ADGRV1: variants seen among roughly 807,000 people sequenced by gnomAD.
The protein encoded by ADGRV1 is G-protein coupled receptor 98.
A neutral mutation model predicts 596.2 loss-of-function variants in ADGRV1; 359 were observed. The ratio of observed to expected loss-of-function variants is 0.60; its 90% CI spans 0.55 to 0.66. The LOEUF is 0.66. Among genes scored for constraint, ADGRV1 ranks in the 30% least tolerant of loss-of-function variants. The pLI, the probability that ADGRV1 is intolerant of heterozygous loss-of-function variation, is 0.00. For missense variants in ADGRV1, 7,274 were observed against 7,575.6 expected (o/e 0.96, Z 1.48); for synonymous variants, 2,681 against 2,679.2 (o/e 1.00, Z -0.02).
chr5:90,745,929 T>C (rs1221111062), intron 52 of ADGRV1, 134 bp downstream of exon 52: 2 of 602,046 alleles, frequency 3.3e-6, no homozygotes, highest in African/African-American at 1.9e-5. Context: ...TTCCCCTGCC[T>C]CCCTTTTATG....
intron 50 of ADGRV1, among the ~76,000 whole-genome samples, chr5:90,739,208 T>C (rs1311810117): frequency 6.6e-6 from 1 of 152,148 alleles, no homozygotes; most frequent in Admixed American, 6.5e-5. Flanking sequence ...GTTTTCCAAA[T>C]TGCATTTACT....
intron 4 of ADGRV1, 65 bp downstream of exon 4, chr5:90,619,246 G>T: frequency 5.3e-6 from 4 of 759,720 alleles, no homozygotes; most frequent in Non-Finnish European, 8.1e-6. Flanking sequence ...TTAAAAATTA[G>T]TTTTCATGAT....
At chr5:90,630,310 T>A (rs1357250578) in intron 9 of ADGRV1, 1 of 152,208 alleles carries the variant, frequency 6.6e-6, no homozygotes, top group African/African-American at 2.4e-5. Flanking sequence ...AAGAAAAATT[T>A]TATAAATACT....
At chr5:90,661,703 A>C (rs1770320919) in intron 21 of ADGRV1, among the ~76,000 whole-genome samples, 1 of 152,156 alleles carries the variant, frequency 6.6e-6, no homozygotes, top group Non-Finnish European at 1.5e-5. Flanking sequence ...GACGGTAGTG[A>C]GTATTATTGT....
intron 1 of ADGRV1, among the ~76,000 whole-genome samples, chr5:90,569,819 G>T (rs145081704): frequency 4.4e-3 from 666 of 151,730 alleles, no homozygotes; most frequent in African/African-American, 0.015. Flanking sequence ...TTTCAATAGC[G>T]TGCAATAATT....
chr5:91,049,921 G>A (rs1280855612), intron 85 of ADGRV1, among the ~76,000 whole-genome samples: 1 of 152,198 alleles, frequency 6.6e-6, no homozygotes, highest in Non-Finnish European at 1.5e-5. Flanking sequence ...ACAACTGTAT[G>A]TGAGGTTTGG....
chr5:90,579,148 CT>C (rs1757634461), intron 1 of ADGRV1, among the ~76,000 whole-genome samples: 1 of 152,136 alleles, frequency 6.6e-6, no homozygotes, highest in South Asian at 2.1e-4. Context: ...CTTCTGCTAG[CT>C]TTTGAATGTG....
chr5:90,819,963 G>C lies in ADGRV1; in HGVS notation c.16197-3462G>C, dbSNP rs2150278531. Among the ~76,000 whole-genome samples the C allele has an allele frequency of 2.0e-5, 3 of 150,456 alleles. No individual in the cohort carries two copies. The South Asian group carries it at 6.4e-4, about 32-fold the overall frequency. ...GGTGCAGAGCTGAGTTCAATTCCTG[G>C]GTATCCTTGTTGACTTTCTGTCTCG... is the stretch of plus-strand genomic sequence containing the variant. On this transcript the variant is annotated intron_variant, in intron 75 of 89. Transcript: ENST00000405460.
intron 83 of ADGRV1, among the ~76,000 whole-genome samples, chr5:90,948,505 T>G (rs1776786902): frequency 6.6e-6 from 1 of 152,106 alleles, no homozygotes; most frequent in East Asian, 1.9e-4. Context: ...GCTTAACGTA[T>G]AAACACATGG....
intron 17 of ADGRV1, among the ~76,000 whole-genome samples, chr5:90,648,867 T>C (rs1206720233): frequency 6.6e-6 from 1 of 152,228 alleles, no homozygotes; most frequent in African/African-American, 2.4e-5. Flanking sequence ...TTACGTAGAC[T>C]AAAAACATTT....
At chr5:90,785,032 A>G (rs547956765) in intron 67 of ADGRV1, among the ~76,000 whole-genome samples, 14 of 152,342 alleles carry the variant, frequency 9.2e-5, no homozygotes, top group African/African-American at 3.4e-4. Flanking sequence ...CTACAAGGCT[A>G]CAGTAACCAA....
Position 90,851,134 on chromosome 5 carries a change from T to TGTGTGTGTGTGAGAGAGA in ADGRV1, c.17205-2149_17205-2148insTGTGTGTGTGAGAGAGAG, listed in dbSNP as rs757909771. Reference sequence around the variant, plus strand: ...GTGTGTGTGTGTGTGTGTGTGTGTGTGAGAGAGAGAGAGAGAGAGAGAGAG... The same window carrying TGTGTGTGTGTGAGAGAGA: ...GTGTGTGTGTGTGTGTGTGTGTGTGTGTGTGTGTGTGAGAGAGAGAGAGAGAGAGAGAGAGAGAGAGAG... On this transcript the variant is annotated intron_variant, in intron 79 of 89. Transcript: ENST00000405460. 2.4e-3 allele frequency among the ~76,000 whole-genome samples: 192 copies of TGTGTGTGTGTGAGAGAGA among 81,504 alleles called. 4 individuals carry two copies. Among genetic ancestry groups the TGTGTGTGTGTGAGAGAGA allele is most frequent in the East Asian group, 7.8e-3 (18 of 2,322 alleles). 53.5% of individuals were successfully genotyped at this position (81,504 alleles called of 152,430 possible). A position where few individuals can be genotyped will look rare whatever the true frequency, so the allele number is the denominator to read the frequency against.
chr5:90,614,521 A>G (rs1421823024), intron 1 of ADGRV1, among the ~76,000 whole-genome samples: 1 of 152,124 alleles, frequency 6.6e-6, no homozygotes, highest in East Asian at 1.9e-4. Context: ...TTTTCTTAAA[A>G]TGTGGATGTC....
Position 90,745,198 on chromosome 5 carries a change from C to T in ADGRV1, c.10702C>T (p.Leu3568=), listed in dbSNP as rs549528540. ...SLNSSKNLIA[L]VGAHSHIYEL... is the part of the protein sequence containing the mutation. ...TAATTCAAGCAAGAATTTAATAGCT[C>T]TAGTGGGAGCTCATTCACATATATA... Residue 3568 remains leucine, a synonymous_variant, in exon 51 of 90, where the codon CTA becomes TTA. Transcript: ENST00000405460. 2 of 1,612,488 alleles carry T rather than the reference C, an allele frequency of 1.2e-6. No homozygotes were observed. The highest frequency in any genetic ancestry group is 1.7e-6 in the Non-Finnish European group (2 of 1,179,634).
intron 83 of ADGRV1, among the ~76,000 whole-genome samples, chr5:90,932,693 T>G (rs868455184): frequency 2.6e-5 from 4 of 151,288 alleles, no homozygotes; most frequent in African/African-American, 7.2e-5. Flanking sequence ...TTGAAAACAT[T>G]AAGTCACCAT....
chr5:91,162,981 G>A (rs562267061), intron 89 of ADGRV1, among the ~76,000 whole-genome samples: 4 of 152,176 alleles, frequency 2.6e-5, no homozygotes, highest in Non-Finnish European at 4.4e-5. Flanking sequence ...TTGTGTGTGT[G>A]TAGAGAGGAT....
intron 81 of ADGRV1, 95 bp downstream of exon 81, chr5:90,854,296 C>A: frequency 4.8e-6 from 4 of 828,520 alleles, no homozygotes; most frequent in South Asian, 2.3e-5. Flanking sequence ...GATGGTGGCC[C>A]CAGATGACAT....
chr5:90,813,132 CA>C (rs5869522), intron 74 of ADGRV1, among the ~76,000 whole-genome samples: 2,283 of 34,124 alleles, frequency 0.067, 193 homozygotes, highest in Middle Eastern at 0.18. Context: ...GACTCCGTCT[CA>C]AAAAAAAAAA....
intron 1 of ADGRV1, among the ~76,000 whole-genome samples, chr5:90,563,835 G>T (rs576344805): frequency 1.3e-5 from 2 of 152,160 alleles, no homozygotes; most frequent in Non-Finnish European, 2.9e-5. Context: ...TTCTTTAGTC[G>T]TGAATTTTGA....
Sources: allele counts gnomAD v4.1 joint callset (sites outside exome capture counted in the v4.1 genomes callset), GRCh38; gene constraint gnomAD v4.1.1; transcripts MANE v1.5; gene names NCBI Gene and HGNC (gene_info 2026-07-23, HGNC 2026-07-21).